The following RPN2 variants were observed in gnomAD, a reference collection of about 807,000 sequenced individuals.
RPN2 encodes ribophorin II.
In RPN2, 29 loss-of-function variants were observed where a neutral mutation model predicts 71.4. That is an observed-to-expected ratio of 0.41 (90% CI 0.30 to 0.55). RPN2 has a LOEUF of 0.55. Ranked by LOEUF, RPN2 falls within the 20% of genes least tolerant of loss-of-function variation. RPN2 has a pLI of 0.35. For synonymous variants in RPN2, 308 were observed against 305.0 expected (o/e 1.01, Z -0.10); for missense variants, 726 against 774.1 (o/e 0.94, Z 0.74).
chr20:37,190,023 A>T (rs2067108430), intron 2 of RPN2, among the ~76,000 whole-genome samples: 1 of 152,192 alleles, frequency 6.6e-6, no homozygotes, highest in African/African-American at 2.4e-5. Flanking sequence ...TATAGGAGAT[A>T]ACATTGAAAT....
chr20:37,182,051 C>T (rs1410968651), intron 1 of RPN2, among the ~76,000 whole-genome samples: 1 of 151,958 alleles, frequency 6.6e-6, no homozygotes, highest in Non-Finnish European at 1.5e-5. Context: ...TTGATGAATA[C>T]ACCACGTGAT....
At position 37,204,544 on chromosome 20, in the gene RPN2, G is replaced by A. The variant is rs1046723373; in HGVS notation, c.556-223G>A. Among the ~76,000 whole-genome samples, 16 of 152,190 alleles carry A rather than the reference G, an allele frequency of 1.1e-4. 1 individual carries two copies. The highest frequency in any genetic ancestry group is 1.5e-5 in the Non-Finnish European group (1 of 68,036). ...CTGCATACAAGGGGCCAAGGAAGGA[G>A]CCCTCCCAAAACTGCAGAAGATAGT... On this transcript the variant is annotated intron_variant, in intron 5 of 16. Coordinates refer to ENST00000237530, the MANE Select transcript of RPN2 (RefSeq NM_002951.5).
In RPN2 at chr20:37,199,619, A is replaced by G. The variant is rs146095769; in HGVS notation, c.479+394A>G. Among the ~76,000 whole-genome samples the G allele has an allele frequency of 3.3e-5, 5 of 152,236 alleles. No homozygotes were observed. In the East Asian group the frequency reaches 9.7e-4, roughly 29 times the overall value. ...GACATGTTGGCAGTGGAGGCTCTGC[A>G]AAGTGGGGGCTCTCAGGATCCCTGG... On this transcript the variant is annotated intron_variant, in intron 4 of 16. Coordinates refer to ENST00000237530, the MANE Select transcript of RPN2 (RefSeq NM_002951.5).
intron 16 of RPN2, among the ~76,000 whole-genome samples, chr20:37,238,066 A>C (rs1421790930): frequency 1.3e-5 from 2 of 152,184 alleles, no homozygotes; most frequent in Admixed American, 6.5e-5. Flanking sequence ...TCAAGACAAG[A>C]ATTGAGTAGA....
chr20:37,202,876 G>C (rs1318386448), intron 4 of RPN2, among the ~76,000 whole-genome samples: 1 of 152,172 alleles, frequency 6.6e-6, no homozygotes, highest in Admixed American at 6.5e-5. Context: ...ATAGATTGCT[G>C]GTTGCTGAGG....
chr20:37,231,263 C>T (rs1413167139), intron 13 of RPN2, among the ~76,000 whole-genome samples: 1 of 151,894 alleles, frequency 6.6e-6, no homozygotes, highest in Admixed American at 6.6e-5. Context: ...TCAGTTTGGG[C>T]CTAAACGGAG....
At chr20:37,210,200 C>T in intron 8 of RPN2, 35 bp downstream of exon 8, 1 of 1,611,068 alleles carries the variant, frequency 6.2e-7, no homozygotes, top group Non-Finnish European at 8.5e-7. Flanking sequence ...GGGCGCTGAC[C>T]TCTTTGTTTT....
At chr20:37,179,480 TG>T in intron 1 of RPN2, 111 bp downstream of exon 1, 1 of 1,374,940 alleles carries the variant, frequency 7.3e-7, no homozygotes. Flanking sequence ...GACAGGGGCA[TG>T]GGCACAAGCT....
chr20:37,205,260 T>C (rs189077493), intron 6 of RPN2, among the ~76,000 whole-genome samples: 2 of 152,068 alleles, frequency 1.3e-5, no homozygotes, highest in East Asian at 3.9e-4. Context: ...ATTCAGATCC[T>C]TCTCTGGGCT....
intron 9 of RPN2, among the ~76,000 whole-genome samples, chr20:37,222,934 A>G (rs1478247673): frequency 6.6e-6 from 1 of 152,240 alleles, no homozygotes; most frequent in Non-Finnish European, 1.5e-5. Context: ...TTAAGAGTCA[A>G]CATGGATTGG....
chr20:37,234,294 A>G (rs1433332635), intron 15 of RPN2, among the ~76,000 whole-genome samples, 199 bp downstream of exon 15: 1 of 152,238 alleles, frequency 6.6e-6, no homozygotes, highest in African/African-American at 2.4e-5. Context: ...AGCTGTCATT[A>G]TATTGGGCTT....
intron 1 of RPN2, among the ~76,000 whole-genome samples, chr20:37,181,878 T>A (rs537580273): frequency 6.0e-5 from 9 of 150,024 alleles, no homozygotes; most frequent in Non-Finnish European, 1.2e-4. Context: ...TTTATTTTTT[T>A]CCATAGCACT....
intron 9 of RPN2, among the ~76,000 whole-genome samples, chr20:37,222,029 G>A (rs572642516): frequency 1.3e-4 from 20 of 152,332 alleles, no homozygotes; most frequent in African/African-American, 4.6e-4. Context: ...TCAAAGCTCT[G>A]TGGCTACTTC....
intron 5 of RPN2, 23 bp from the exon 6 acceptor site, chr20:37,204,744 A>AT (rs1568975837): frequency 1.2e-6 from 2 of 1,614,112 alleles, no homozygotes; most frequent in South Asian, 2.2e-5. Flanking sequence ...GACATCCAGC[A>AT]TATTTCTGTT....
intron 9 of RPN2, among the ~76,000 whole-genome samples, chr20:37,222,057 T>C (rs941045334): frequency 6.6e-6 from 1 of 152,238 alleles, no homozygotes; most frequent in African/African-American, 2.4e-5. Flanking sequence ...GAGCCTTCCA[T>C]TCCAGTTTGT....
At chr20:37,179,541 G>C (rs2146487971) in intron 1 of RPN2, 172 bp downstream of exon 1, 1 of 1,393,136 alleles carries the variant, frequency 7.2e-7, no homozygotes, top group East Asian at 2.7e-5. Flanking sequence ...CTGCGAGCTG[G>C]TGGGAGTGCC....
At chr20:37,222,748 G>A (rs962948877) in intron 9 of RPN2, among the ~76,000 whole-genome samples, 2 of 152,162 alleles carry the variant, frequency 1.3e-5, no homozygotes, top group Admixed American at 6.5e-5. Context: ...ACATAAAAGC[G>A]CCTTGGGTTT....
intron 1 of RPN2, among the ~76,000 whole-genome samples, chr20:37,182,233 A>G (rs370528380): frequency 9.9e-5 from 15 of 151,940 alleles, no homozygotes; most frequent in Admixed American, 7.9e-4. Context: ...AGTTTGGATT[A>G]CAGGCACCCA....
intron 9 of RPN2, among the ~76,000 whole-genome samples, chr20:37,219,310 G>T (rs1314632582): frequency 6.6e-6 from 1 of 152,076 alleles, no homozygotes; most frequent in Non-Finnish European, 1.5e-5. Flanking sequence ...TTGGTCTCTT[G>T]CATATCTTCT....
Sources: allele counts gnomAD v4.1 joint callset (sites outside exome capture counted in the v4.1 genomes callset), GRCh38; gene constraint gnomAD v4.1.1; transcripts MANE v1.5; gene names NCBI Gene and HGNC (gene_info 2026-07-23, HGNC 2026-07-21).